ST3GAL1: variants seen among roughly 807,000 people sequenced by gnomAD.
ST3GAL1 encodes the protein ST3 beta-galactoside alpha-2,3-sialyltransferase 1.
Under a neutral mutation model 34.1 loss-of-function variants are expected in ST3GAL1, and 16 were observed. The observed-to-expected ratio is 0.47, with a 90% confidence interval of 0.32 to 0.71. The LOEUF (loss-of-function observed/expected upper bound fraction) is 0.71. Among genes scored for constraint, ST3GAL1 ranks in the 30% least tolerant of loss-of-function variants. ST3GAL1 has a pLI of 0.04. For missense variants in ST3GAL1, 353 were observed against 447.4 expected (o/e 0.79, Z 1.90); for synonymous variants, 191 against 184.7 (o/e 1.03, Z -0.28).
At position 133,467,982 on chromosome 8, in the gene ST3GAL1, G is replaced by A. The variant is rs1397353778; in HGVS notation, c.307-1892C>T. Among the ~76,000 whole-genome samples, 1 of 152,194 alleles carries A rather than the reference G, an allele frequency of 6.6e-6. No individual in the cohort carries two copies. Among genetic ancestry groups the A allele is most frequent in the Admixed American group, 6.5e-5 (1 of 15,284 alleles). ...TAAAAGGGCAAAACAACAGGTATCG[G>A]TGAGGATGTGGAGAAAATGGAACTC... On this transcript the variant is annotated intron_variant, in intron 5 of 9. Coordinates refer to ENST00000522652, the MANE Select transcript of ST3GAL1 (RefSeq NM_173344.3). The surrounding 1 kb of genome is among the most constrained non-coding windows in gnomAD (Gnocchi z 4.2).
At chr8:133,523,108 C>T (rs1420077015) in intron 2 of ST3GAL1, among the ~76,000 whole-genome samples, 1 of 152,020 alleles carries the variant, frequency 6.6e-6, no homozygotes, top group Non-Finnish European at 1.5e-5. Context: ...CCCACCTGGC[C>T]CAGGGCCCTG....
chr8:133,490,814 C>A (rs1309497503), intron 3 of ST3GAL1, among the ~76,000 whole-genome samples: 2 of 152,168 alleles, frequency 1.3e-5, no homozygotes, highest in Non-Finnish European at 2.9e-5. Context: ...TTGCAACTGG[C>A]ACATCGTGGC....
intron 7 of ST3GAL1, among the ~76,000 whole-genome samples, chr8:133,464,170 A>T (rs1286556574): frequency 1.3e-5 from 2 of 152,202 alleles, no homozygotes; most frequent in Admixed American, 6.5e-5. Context: ...ACCCTAGGCA[A>T]GGTGCTTGGC....
chr8:133,520,694 C>T (rs772272650), intron 2 of ST3GAL1, among the ~76,000 whole-genome samples: 1 of 152,088 alleles, frequency 6.6e-6, no homozygotes. Context: ...ACGTAATTCC[C>T]CTTTTCGGAG....
At chr8:133,524,376 A>G (rs1341160325) in intron 2 of ST3GAL1, among the ~76,000 whole-genome samples, 1 of 152,200 alleles carries the variant, frequency 6.6e-6, no homozygotes. Context: ...AGGCAACACT[A>G]CAGCCCCAGG....
chr8:133,548,057 G>A (rs1290126539), intron 1 of ST3GAL1, among the ~76,000 whole-genome samples: 1 of 152,172 alleles, frequency 6.6e-6, no homozygotes, highest in Non-Finnish European at 1.5e-5. Flanking sequence ...GCTGATGGGG[G>A]CAGGATGTTT....
chr8:133,499,829 C>T lies in ST3GAL1; in HGVS notation c.-428-640G>A, dbSNP rs893975400. On this transcript the variant is annotated intron_variant, in intron 2 of 9. Transcript: ENST00000522652. ...GGGACTGGAATCCAGGTCTGCAGGT[C>T]AAAGGCTGTTCTCACCCACCCCCAT... 7.9e-5 allele frequency among the ~76,000 whole-genome samples: 12 copies of T among 152,270 alleles called. No individual in the cohort carries two copies. The South Asian group carries it at 1.9e-3, about 24-fold the overall frequency.
intron 1 of ST3GAL1, among the ~76,000 whole-genome samples, chr8:133,551,476 GAGAA>G (rs1020399514): frequency 6.7e-5 from 10 of 149,890 alleles, no homozygotes; most frequent in South Asian, 2.1e-4. Context: ...GAGAGAGAGA[GAGAA>G]AGAAAGAAAG....
At chr8:133,530,697 C>G (rs1003014490) in intron 2 of ST3GAL1, among the ~76,000 whole-genome samples, 3 of 152,130 alleles carry the variant, frequency 2.0e-5, no homozygotes, top group African/African-American at 4.8e-5. Context: ...AATGCACATG[C>G]CTTTGTAAAG....
chr8:133,568,301 G>A (rs1819467064), intron 1 of ST3GAL1, among the ~76,000 whole-genome samples: 1 of 152,172 alleles, frequency 6.6e-6, no homozygotes, highest in Non-Finnish European at 1.5e-5. Context: ...ACTGAGCGCT[G>A]CCACTGGGAC....
intron 1 of ST3GAL1, among the ~76,000 whole-genome samples, chr8:133,560,693 G>A (rs1309179335): frequency 6.6e-6 from 1 of 152,288 alleles, no homozygotes; most frequent in East Asian, 1.9e-4. Context: ...CCCTTCCAGA[G>A]TCCCCACTTA....
rs1815403783 is a variant in ST3GAL1 at position 133,459,136 on chromosome 8, C to A, written c.*628G>T. The A allele has an allele frequency of 6.6e-6, 1 of 152,168 alleles. No individual in the cohort carries two copies. Among genetic ancestry groups the A allele is most frequent in the African/African-American group, 2.4e-5 (1 of 41,398 alleles). 9.4% of individuals were successfully genotyped at this position (152,168 alleles called of 1,614,324 possible). A position where few individuals can be genotyped will look rare whatever the true frequency, so the allele number is the denominator to read the frequency against. ...TCTTGAACTCCTGGGCTCAAGTGAT[C>A]CTCCCGCCTCGGCCTCCCAAAGTGT... On this transcript the variant is annotated 3_prime_UTR_variant, in exon 10 of 10. Coordinates refer to ENST00000522652, the MANE Select transcript of ST3GAL1 (RefSeq NM_173344.3). The surrounding 1 kb of genome is among the most constrained non-coding windows in gnomAD (Gnocchi z 4.7).
intron 2 of ST3GAL1, among the ~76,000 whole-genome samples, chr8:133,504,965 T>G (rs953533840): frequency 4.6e-5 from 7 of 152,014 alleles, no homozygotes; most frequent in African/African-American, 7.2e-5. Flanking sequence ...GGAAGTTGGG[T>G]GAGAGTGAGC....
chr8:133,532,447 G>A (rs954197427), intron 2 of ST3GAL1, among the ~76,000 whole-genome samples: 6 of 152,034 alleles, frequency 3.9e-5, no homozygotes, highest in East Asian at 1.9e-4. Context: ...GTAACAGAGC[G>A]AGACTCTGTC....
At chr8:133,480,718 C>A (rs1421849587) in intron 3 of ST3GAL1, among the ~76,000 whole-genome samples, 6 of 152,116 alleles carry the variant, frequency 3.9e-5, no homozygotes, top group African/African-American at 1.4e-4. Flanking sequence ...CAGACTCCTG[C>A]CTTCTCCTGT....
intron 1 of ST3GAL1, among the ~76,000 whole-genome samples, chr8:133,554,358 C>T (rs551543136): frequency 6.6e-6 from 1 of 152,318 alleles, no homozygotes; most frequent in Non-Finnish European, 1.5e-5. Context: ...GTTTACACTG[C>T]AGCGGTGGGG....
At chr8:133,537,124 C>A (rs1050208354) in intron 2 of ST3GAL1, among the ~76,000 whole-genome samples, 1 of 152,132 alleles carries the variant, frequency 6.6e-6, no homozygotes, top group Non-Finnish European at 1.5e-5. Context: ...GTTCCCATGA[C>A]CCCCTTTCTG....
chr8:133,489,076 G>T (rs1432257961), intron 3 of ST3GAL1, among the ~76,000 whole-genome samples: 1 of 152,140 alleles, frequency 6.6e-6, no homozygotes, highest in Non-Finnish European at 1.5e-5. Context: ...TGTCCTGGGG[G>T]TCTCAGTAAG....
At chr8:133,477,459 T>G (rs72718276) in intron 3 of ST3GAL1, among the ~76,000 whole-genome samples, 14,059 of 152,010 alleles carry the variant, frequency 0.092, 717 homozygotes, top group Admixed American at 0.15. Flanking sequence ...CTTAGATGAC[T>G]TGCCTAAGGA....
Sources: gnomAD v4.1 joint callset for allele counts (sites outside exome capture counted in the v4.1 genomes callset) on GRCh38, gnomAD v4.1.1 for gene constraint, Gnocchi (gnomAD v3.1) non-coding constraint, MANE v1.5 for transcripts, NCBI Gene and HGNC (gene_info 2026-07-23, HGNC 2026-07-21) for gene names.